Variants in ACBD6 observed in about 807,000 individuals in gnomAD.
ACBD6 encodes acyl-CoA binding domain containing 6, also known as acyl-CoA-binding domain-containing protein 6.
In ACBD6, 28 loss-of-function variants were observed where a neutral mutation model predicts 37.2. That is an observed-to-expected ratio of 0.75 (90% CI 0.56 to 1.03). ACBD6 has a LOEUF of 1.03. ACBD6 is among the 50% of genes least tolerant of loss of function. The pLI, the probability that ACBD6 is intolerant of heterozygous loss-of-function variation, is 0.00. For synonymous variants in ACBD6, 113 were observed against 126.8 expected, an observed-to-expected ratio of 0.89 and a Z score of 0.73; for missense variants, 340 against 337.4, an observed-to-expected ratio of 1.01 and a Z score of -0.06.
chr1:180,430,764 C>G (rs745759120), intron 3 of ACBD6, among the ~76,000 whole-genome samples: 37 of 150,298 alleles, frequency 2.5e-4, no homozygotes, highest in Non-Finnish European at 5.0e-4. Flanking sequence ...AGGTTTATAT[C>G]TCAAATAAAA....
intron 2 of ACBD6, among the ~76,000 whole-genome samples, chr1:180,492,849 A>C (rs977630411): frequency 1.3e-5 from 2 of 152,180 alleles, no homozygotes; most frequent in Non-Finnish European, 2.9e-5. Flanking sequence ...ACTAAGATAC[A>C]AGAAATCCAC....
intron 4 of ACBD6, among the ~76,000 whole-genome samples, chr1:180,423,099 G>A (rs1021695081): frequency 6.6e-6 from 1 of 152,050 alleles, no homozygotes; most frequent in Non-Finnish European, 1.5e-5. Context: ...AAATGGACTA[G>A]TATCTACATA....
At chr1:180,280,277 C>A (rs1225587855) in intron 9 of ACBD6, among the ~76,000 whole-genome samples, 2 of 152,112 alleles carry the variant, frequency 1.3e-5, no homozygotes, top group Non-Finnish European at 2.9e-5. Context: ...AGTAGCAGTG[C>A]CAACTTCTCT....
chr1:180,371,865 C>G (rs1392571671), intron 6 of ACBD6, among the ~76,000 whole-genome samples: 1 of 152,080 alleles, frequency 6.6e-6, no homozygotes, highest in Non-Finnish European at 1.5e-5. Context: ...ATAATTCACA[C>G]ATGAAGAAAT....
chr1:180,376,455 T>C (rs796761957), intron 6 of ACBD6, among the ~76,000 whole-genome samples: 9 of 152,266 alleles, frequency 5.9e-5, no homozygotes, highest in African/African-American at 2.2e-4. Flanking sequence ...GGAGAGTGTT[T>C]CAATAAACTA....
chr1:180,400,452 G>A (rs1479568810), intron 5 of ACBD6, among the ~76,000 whole-genome samples: 1 of 152,142 alleles, frequency 6.6e-6, no homozygotes, highest in Non-Finnish European at 1.5e-5. Context: ...TTCTGTAGAA[G>A]CACTGAAGAT....
At chr1:180,404,069 G>C (rs546173778) in intron 5 of ACBD6, among the ~76,000 whole-genome samples, 123 of 152,130 alleles carry the variant, frequency 8.1e-4, no homozygotes, top group Non-Finnish European at 1.5e-3. Context: ...TCCTGCCTCA[G>C]TCTCCCGAGT....
chr1:180,337,581 T>C (rs1383449226), intron 6 of ACBD6, among the ~76,000 whole-genome samples: 2 of 152,218 alleles, frequency 1.3e-5, no homozygotes. Context: ...GCATTCCCTT[T>C]GAAAATGGGC....
intron 1 of ACBD6, among the ~76,000 whole-genome samples, chr1:180,500,257 A>T (rs1651905814): frequency 6.6e-6 from 1 of 152,220 alleles, no homozygotes; most frequent in Non-Finnish European, 1.5e-5. Context: ...CATTTTTAAT[A>T]AAACAAAATA....
intron 9 of ACBD6, chr1:180,275,750 G>A (rs959684811): frequency 1.3e-5 from 2 of 152,192 alleles, no homozygotes; most frequent in African/African-American, 4.8e-5. Flanking sequence ...GTTCTAAGTG[G>A]TTCTTGGGCT....
intron 6 of ACBD6, among the ~76,000 whole-genome samples, chr1:180,383,187 TGA>T (rs1168244905): frequency 6.6e-6 from 1 of 152,102 alleles, no homozygotes; most frequent in African/African-American, 2.4e-5. Context: ...GAAGTGTTAG[TGA>T]GAGCAATTAG....
At chr1:180,322,895 C>A (rs969787361) in intron 6 of ACBD6, among the ~76,000 whole-genome samples, 1 of 150,864 alleles carries the variant, frequency 6.6e-6, no homozygotes, top group Non-Finnish European at 1.5e-5. Context: ...TTTATTATTT[C>A]TTTTCTTCTA....
At chr1:180,301,376 A>C (rs901974160) in intron 7 of ACBD6, among the ~76,000 whole-genome samples, 1 of 151,228 alleles carries the variant, frequency 6.6e-6, no homozygotes, top group Non-Finnish European at 1.5e-5. Context: ...TAGCCTTACC[A>C]GTAAATAAAC....
At chr1:180,340,300 T>C (rs941492090) in intron 6 of ACBD6, among the ~76,000 whole-genome samples, 5 of 152,010 alleles carry the variant, frequency 3.3e-5, no homozygotes, top group East Asian at 1.9e-4. Flanking sequence ...GGCTGCTAGG[T>C]TGAAAATAGA....
rs755817550 is a variant in ACBD6 at position 180,502,134 on chromosome 1, G to A, written c.133C>T (p.Leu45=). Residue 45 remains leucine, a synonymous_variant, in exon 1 of 8, where the codon CTG becomes TTG. Coordinates refer to ENST00000367595, the MANE Select transcript of ACBD6 (RefSeq NM_032360.4). ...AGGTGCGCGGCAGCCTTCTCAAACA[G>A]CTCGGCCAGGCAACTGGTCTCCTCG... ...EIEETSCLAE[L]FEKAAAHLQG... 6.2e-7 allele frequency: 1 copy of A among 1,614,044 alleles called. No homozygotes were observed.
chr1:180,411,730 A>C (rs1647867028), intron 5 of ACBD6, among the ~76,000 whole-genome samples: 1 of 152,148 alleles, frequency 6.6e-6, no homozygotes, highest in African/African-American at 2.4e-5. Flanking sequence ...CCATGGCGCG[A>C]TCTAGGCTCA....
In ACBD6 at chr1:180,271,124, C is replaced by G. The variant is rs536823400; in HGVS notation, c.*2101G>C. ...TGAGACTTCTGTGCAGCTGGGCTGGCAGGGGAGGGTTGAGGCAGGGAGCTG... is the reference window on the plus strand; with the variant it reads ...TGAGACTTCTGTGCAGCTGGGCTGGGAGGGGAGGGTTGAGGCAGGGAGCTG... On this transcript the variant is annotated 3_prime_UTR_variant, in exon 14 of 14. Coordinates refer to the ACBD6 transcript ENST00000642319. 3 of 552,980 alleles carry G rather than the reference C, an allele frequency of 5.4e-6. No individual in the cohort carries two copies. In the South Asian group the frequency reaches 5.9e-5, roughly 11 times the overall value. 34.3% of individuals were successfully genotyped at this position (552,980 alleles called of 1,614,324 possible).
intron 3 of ACBD6, among the ~76,000 whole-genome samples, chr1:180,472,557 A>G (rs1650609963): frequency 6.6e-6 from 1 of 152,166 alleles, no homozygotes; most frequent in South Asian, 2.1e-4. Context: ...TATATCATCA[A>G]TAACGATTAA....
chr1:180,330,357 C>T (rs1651431307), intron 6 of ACBD6, among the ~76,000 whole-genome samples: 1 of 151,356 alleles, frequency 6.6e-6, no homozygotes, highest in South Asian at 2.1e-4. Flanking sequence ...GAGACTGAGG[C>T]TGTGGTGAGC....
Sources: gnomAD v4.1 joint callset for allele counts (sites outside exome capture counted in the v4.1 genomes callset) on GRCh38, gnomAD v4.1.1 for gene constraint, MANE v1.5 for transcripts, NCBI Gene and HGNC (gene_info 2026-07-23, HGNC 2026-07-21) for gene names.